The following LRRC7 variants were observed in gnomAD, a reference collection of about 807,000 sequenced individuals.
LRRC7 encodes the protein leucine rich repeat containing 7.
A neutral mutation model predicts 175.7 loss-of-function variants in LRRC7; 23 were observed. The ratio of observed to expected loss-of-function variants is 0.13; its 90% CI spans 0.09 to 0.19. The LOEUF (loss-of-function observed/expected upper bound fraction) is 0.19, where lower values mean the gene tolerates loss of function less well. LRRC7 is among the 10% of genes least tolerant of loss of function. LRRC7 has a pLI of 1.00. For missense variants in LRRC7, 1,354 were observed against 1,904.7 expected (o/e 0.71, Z 5.38); for synonymous variants, 685 against 680.9 (o/e 1.01, Z -0.09).
At chr1:69,580,867 G>A (rs1035746217) in intron 1 of LRRC7, among the ~76,000 whole-genome samples, 1 of 152,190 alleles carries the variant, frequency 6.6e-6, no homozygotes, top group East Asian at 1.9e-4. Flanking sequence ...TACTTAGAGT[G>A]AATATTTTGA....
At chr1:69,660,312 C>T (rs1481372782) in intron 1 of LRRC7, among the ~76,000 whole-genome samples, 1 of 151,928 alleles carries the variant, frequency 6.6e-6, no homozygotes, top group African/African-American at 2.4e-5. Flanking sequence ...AATGACAGAA[C>T]TGTAGGAAAA....
intron 1 of LRRC7, among the ~76,000 whole-genome samples, chr1:69,570,143 C>G (rs1645679498): frequency 6.6e-6 from 1 of 151,936 alleles, no homozygotes; most frequent in Non-Finnish European, 1.5e-5. Context: ...AATTTCTAAG[C>G]ACAATAGAGA....
intron 3 of LRRC7, among the ~76,000 whole-genome samples, chr1:69,782,569 T>G (rs978551397): frequency 6.6e-6 from 1 of 151,790 alleles, no homozygotes; most frequent in African/African-American, 2.4e-5. Context: ...TGGCTGGAGA[T>G]GTGGTAATGC....
At chr1:69,951,773 C>T (rs771071252) in intron 8 of LRRC7, among the ~76,000 whole-genome samples, 1 of 151,904 alleles carries the variant, frequency 6.6e-6, no homozygotes, top group African/African-American at 2.4e-5. Context: ...AAACAACAAA[C>T]ACTGGGGTCT....
intron 26 of LRRC7, among the ~76,000 whole-genome samples, chr1:70,110,213 C>T (rs1443526856): frequency 6.6e-6 from 1 of 151,902 alleles, no homozygotes; most frequent in African/African-American, 2.4e-5. Context: ...GACTTGGTCT[C>T]TACAGAAAAT....
At chr1:69,712,282 T>A (rs1664849421) in intron 2 of LRRC7, among the ~76,000 whole-genome samples, 1 of 151,926 alleles carries the variant, frequency 6.6e-6, no homozygotes. Context: ...GCAAGTGCTT[T>A]AAAATTTAAT....
chr1:69,835,924 T>G (rs1394434842), intron 6 of LRRC7, among the ~76,000 whole-genome samples: 1 of 151,988 alleles, frequency 6.6e-6, no homozygotes, highest in Non-Finnish European at 1.5e-5. Flanking sequence ...AGAAGTAAAA[T>G]TATGAATAAT....
rs541847569 is a variant in LRRC7, at chr1:70,140,479, T to A, written c.*18592T>A. On this transcript the variant is annotated 3_prime_UTR_variant, in exon 27 of 27. Coordinates refer to ENST00000651989, the MANE Select transcript of LRRC7 (RefSeq NM_001370785.2). ...AGAAATCAACTCCCTATCAATTTTC[T>A]ACATTTAATCCTTGGCTTCTTGTCA... is the stretch of plus-strand genomic sequence containing the variant. The A allele has an allele frequency of 6.6e-6, 1 of 152,278 alleles. No homozygotes were observed. The highest frequency in any genetic ancestry group is 2.4e-5 in the African/African-American group (1 of 41,566). The allele number at this position is 152,278 out of a possible 1,614,324, so 9.4% of individuals were successfully genotyped here. A position where few individuals can be genotyped will look rare whatever the true frequency, so the allele number is the denominator to read the frequency against.
At position 69,669,382 on chromosome 1, in the gene LRRC7, T is replaced by C. The variant is rs2100566305; in HGVS notation, c.3-8999T>C. Among the ~76,000 whole-genome samples, 2 of 152,334 alleles carry C rather than the reference T, an allele frequency of 1.3e-5. 1 individual carries two copies. The highest frequency in any genetic ancestry group is 4.1e-4 in the South Asian group (2 of 4,830). On this transcript the variant is annotated intron_variant, in intron 1 of 26. Transcript: ENST00000651989. ...AATATTTTTCCTTCAGCACTTTAGATATGTCATGCCATTCTCTCATGGCCT... is the reference window on the plus strand; with the variant it reads ...AATATTTTTCCTTCAGCACTTTAGACATGTCATGCCATTCTCTCATGGCCT...
At chr1:69,852,938 A>G (rs1389269527) in intron 7 of LRRC7, among the ~76,000 whole-genome samples, 6 of 152,130 alleles carry the variant, frequency 3.9e-5, no homozygotes, top group Non-Finnish European at 1.5e-5. Context: ...CAAACTGTGT[A>G]AAACACTTTG....
chr1:69,717,839 A>G (rs867043207), intron 2 of LRRC7, among the ~76,000 whole-genome samples: 2 of 43,990 alleles, frequency 4.5e-5, no homozygotes, highest in Non-Finnish European at 8.2e-5. Context: ...AGAAAGAAAG[A>G]AAAAAGAAAG....
chr1:69,885,787 A>G (rs1191948264), intron 7 of LRRC7, among the ~76,000 whole-genome samples: 1 of 142,194 alleles, frequency 7.0e-6, no homozygotes, highest in Non-Finnish European at 1.5e-5. Context: ...CACTGCTTTG[A>G]ATGTGTCCCA....
intron 7 of LRRC7, among the ~76,000 whole-genome samples, chr1:69,850,042 A>G (rs1394574401): frequency 1.3e-5 from 2 of 151,984 alleles, no homozygotes; most frequent in African/African-American, 4.8e-5. Flanking sequence ...TTGAGGGTTC[A>G]TGGGGATGTT....
chr1:69,577,124 C>T (rs1039539746), intron 1 of LRRC7, among the ~76,000 whole-genome samples: 3 of 152,086 alleles, frequency 2.0e-5, no homozygotes, highest in African/African-American at 7.2e-5. Context: ...GGGACGTGAA[C>T]ACAGGGGACT....
intron 7 of LRRC7, among the ~76,000 whole-genome samples, chr1:69,900,961 C>G (rs1371909595): frequency 6.6e-6 from 1 of 152,164 alleles, no homozygotes; most frequent in African/African-American, 2.4e-5. Context: ...ACAATGTATA[C>G]AGTGGTTTTG....
intron 1 of LRRC7, among the ~76,000 whole-genome samples, chr1:69,600,032 AC>A (rs1487342707): frequency 6.6e-6 from 1 of 152,166 alleles, no homozygotes; most frequent in Non-Finnish European, 1.5e-5. Flanking sequence ...GAGCCACTCC[AC>A]CTCTAGGCTT....
At chr1:69,651,260 C>A (rs1655786393) in intron 1 of LRRC7, among the ~76,000 whole-genome samples, 1 of 151,700 alleles carries the variant, frequency 6.6e-6, no homozygotes, top group African/African-American at 2.4e-5. Flanking sequence ...GCAAGTTTAA[C>A]CTGGTTTACA....
chr1:70,087,164 T>C (rs1663678342), intron 24 of LRRC7, among the ~76,000 whole-genome samples: 1 of 152,218 alleles, frequency 6.6e-6, no homozygotes. Flanking sequence ...GTGAAATTTG[T>C]TTCTCTTAGA....
intron 21 of LRRC7, among the ~76,000 whole-genome samples, chr1:70,040,569 C>A (rs562756107): frequency 1.3e-5 from 2 of 152,278 alleles, no homozygotes; most frequent in East Asian, 3.9e-4. Context: ...TGCCTGTAAT[C>A]CCAGCACTTT....
Sources: gnomAD v4.1 joint callset for allele counts (sites outside exome capture counted in the v4.1 genomes callset) on GRCh38, gnomAD v4.1.1 for gene constraint, MANE v1.5 for transcripts, NCBI Gene and HGNC (gene_info 2026-07-23, HGNC 2026-07-21) for gene names.